The following FSTL5 variants were observed in gnomAD, a reference collection of about 807,000 sequenced individuals.
FSTL5 encodes follistatin-related protein 5.
In FSTL5, 62 loss-of-function variants were observed where a neutral mutation model predicts 89.1. The ratio of observed to expected loss-of-function variants is 0.70; its 90% CI spans 0.57 to 0.86. FSTL5 has a LOEUF of 0.86. FSTL5 is among the 40% of genes least tolerant of loss of function. FSTL5 has a pLI of 0.00. For synonymous variants in FSTL5, 383 were observed against 346.2 expected (o/e 1.11, Z -1.18); for missense variants, 1,057 against 1,001.6 (o/e 1.06, Z -0.75).
chr4:161,848,110 T>C (rs645859), intron 4 of FSTL5, among the ~76,000 whole-genome samples: 1 of 151,760 alleles, frequency 6.6e-6, no homozygotes, highest in Non-Finnish European at 1.5e-5. Context: ...TGTCTTGTTT[T>C]AAGAAAAGGT....
At chr4:161,588,115 A>G (rs1418868716) in intron 7 of FSTL5, among the ~76,000 whole-genome samples, 1 of 152,206 alleles carries the variant, frequency 6.6e-6, no homozygotes, top group African/African-American at 2.4e-5. Context: ...CAGGGGTTGC[A>G]GTGACTTGAG....
At chr4:161,659,435 C>T (rs1056238844) in intron 6 of FSTL5, among the ~76,000 whole-genome samples, 1 of 151,802 alleles carries the variant, frequency 6.6e-6, no homozygotes, top group East Asian at 1.9e-4. Context: ...ATTGCCATGC[C>T]CATCTTTATT....
In FSTL5 at chr4:161,619,228, A is replaced by G. The variant is rs957070558; in HGVS notation, c.895-31653T>C. 5.4e-4 allele frequency among the ~76,000 whole-genome samples: 82 copies of G among 152,328 alleles called. 2 individuals are homozygous for G. The highest frequency in any genetic ancestry group is 3.4e-3 in the Middle Eastern group (1 of 294). ...AGACTTAAACGTTAGACCTAAAACC[A>G]TAAAAACCCTAGAAGAAAACCTAGG... On this transcript the variant is annotated intron_variant, in intron 7 of 15. Coordinates refer to ENST00000306100, the MANE Select transcript of FSTL5 (RefSeq NM_020116.5).
At chr4:161,520,310 G>A (rs1232700428) in intron 10 of FSTL5, among the ~76,000 whole-genome samples, 1 of 151,298 alleles carries the variant, frequency 6.6e-6, no homozygotes, top group Non-Finnish European at 1.5e-5. Context: ...TAATATTTAA[G>A]TGTATTTGAA....
chr4:161,822,619 GC>G, intron 4 of FSTL5, among the ~76,000 whole-genome samples: 1 of 152,136 alleles, frequency 6.6e-6, no homozygotes, highest in Non-Finnish European at 1.5e-5. Flanking sequence ...CACAGCCCTG[GC>G]CCAGCCCTAG....
chr4:162,081,186 A>G (rs569878568), intron 2 of FSTL5, among the ~76,000 whole-genome samples: 3 of 151,606 alleles, frequency 2.0e-5, no homozygotes, highest in Non-Finnish European at 4.4e-5. Context: ...AATACTAGCA[A>G]TATGGGGATT....
chr4:162,030,083 T>G (rs995991903), intron 3 of FSTL5, among the ~76,000 whole-genome samples: 15 of 151,972 alleles, frequency 9.9e-5, no homozygotes, highest in Non-Finnish European at 1.9e-4. Flanking sequence ...TTTATTTATT[T>G]ATTTTTTTAC....
At chr4:161,479,042 G>C (rs1242201443) in intron 13 of FSTL5, among the ~76,000 whole-genome samples, 1 of 152,050 alleles carries the variant, frequency 6.6e-6, no homozygotes, top group Non-Finnish European at 1.5e-5. Context: ...GTAGTATCTA[G>C]AAGGAGTAAT....
intron 1 of FSTL5, among the ~76,000 whole-genome samples, chr4:162,119,169 G>T (rs775900002): frequency 5.3e-5 from 8 of 151,632 alleles, no homozygotes; most frequent in African/African-American, 1.9e-4. Flanking sequence ...TGAGGCTGCA[G>T]TGAGCCATGA....
intron 15 of FSTL5, among the ~76,000 whole-genome samples, chr4:161,444,991 T>C (rs1414767401): frequency 1.3e-5 from 2 of 151,972 alleles, no homozygotes; most frequent in African/African-American, 2.4e-5. Flanking sequence ...ATAGAGTAAG[T>C]ACTCAATGTT....
chr4:161,684,793 T>C (rs1463489468), intron 6 of FSTL5, among the ~76,000 whole-genome samples: 1 of 152,092 alleles, frequency 6.6e-6, no homozygotes, highest in Non-Finnish European at 1.5e-5. Flanking sequence ...ATTATATTTG[T>C]TTTTATTGCA....
At chr4:161,642,475 G>T (rs988536280) in intron 7 of FSTL5, among the ~76,000 whole-genome samples, 3 of 151,898 alleles carry the variant, frequency 2.0e-5, no homozygotes, top group Admixed American at 1.3e-4. Context: ...CAAATACATT[G>T]AAATGAAAAT....
intron 6 of FSTL5, among the ~76,000 whole-genome samples, chr4:161,669,069 G>A (rs1225856961): frequency 2.1e-5 from 3 of 140,208 alleles, no homozygotes; most frequent in Admixed American, 7.6e-5. Flanking sequence ...CTGAGATTCC[G>A]CCACGGCCCT....
chr4:161,911,296 G>T (rs931024459), intron 4 of FSTL5, among the ~76,000 whole-genome samples: 3 of 151,744 alleles, frequency 2.0e-5, no homozygotes, highest in African/African-American at 7.3e-5. Context: ...GAGGAAATTT[G>T]GAGCCAAACG....
At chr4:161,701,486 G>T (rs1403339283) in intron 6 of FSTL5, among the ~76,000 whole-genome samples, 1 of 151,518 alleles carries the variant, frequency 6.6e-6, no homozygotes, top group African/African-American at 2.4e-5. Flanking sequence ...TCCCTAAAAA[G>T]AAACAGAACT....
chr4:162,099,314 T>C (rs1327998896), intron 2 of FSTL5, among the ~76,000 whole-genome samples: 1 of 152,172 alleles, frequency 6.6e-6, no homozygotes, highest in Non-Finnish European at 1.5e-5. Flanking sequence ...ATAAAGCTAC[T>C]GTTTCAAGCA....
intron 1 of FSTL5, among the ~76,000 whole-genome samples, chr4:162,120,692 C>A (rs1289970387): frequency 6.6e-6 from 1 of 151,964 alleles, no homozygotes; most frequent in Non-Finnish European, 1.5e-5. Context: ...ACAGTATGCT[C>A]ATGATAAAAA....
intron 2 of FSTL5, among the ~76,000 whole-genome samples, chr4:162,084,826 G>A (rs1243046195): frequency 6.6e-6 from 1 of 152,032 alleles, no homozygotes; most frequent in East Asian, 1.9e-4. Flanking sequence ...TAATGTACAT[G>A]ATGGGTTGAT....
intron 4 of FSTL5, among the ~76,000 whole-genome samples, chr4:161,917,791 A>T (rs979131167): frequency 1.3e-5 from 2 of 152,166 alleles, no homozygotes; most frequent in Non-Finnish European, 2.9e-5. Flanking sequence ...GAGGCCATAA[A>T]ATCTCCATTG....
Sources: allele counts gnomAD v4.1 joint callset (sites outside exome capture counted in the v4.1 genomes callset), GRCh38; gene constraint gnomAD v4.1.1; transcripts MANE v1.5; gene names NCBI Gene and HGNC (gene_info 2026-07-23, HGNC 2026-07-21).